NHSL1: variants seen among roughly 807,000 people sequenced by gnomAD.
The protein encoded by NHSL1 is NHS-like protein 1.
Under a neutral mutation model 95.0 loss-of-function variants are expected in NHSL1, and 48 were observed. The observed-to-expected ratio is 0.51, with a 90% CI of 0.40 to 0.64. The LOEUF (loss-of-function observed/expected upper bound fraction) is 0.64, where lower values mean the gene tolerates loss of function less well. Among genes scored for constraint, NHSL1 ranks in the 30% least tolerant of loss-of-function variants. The pLI, the probability that NHSL1 is intolerant of heterozygous loss-of-function variation, is 0.00. For missense variants in NHSL1, 1,971 were observed against 2,077.7 expected, an observed-to-expected ratio of 0.95 and a Z score of 1.00; for synonymous variants, 783 against 833.9, an observed-to-expected ratio of 0.94 and a Z score of 1.05.
intron 3 of NHSL1, among the ~76,000 whole-genome samples, chr6:138,459,019 A>ACACCC (rs1369106789): frequency 3.3e-5 from 5 of 151,992 alleles, no homozygotes; most frequent in Non-Finnish European, 7.4e-5. Flanking sequence ...TTTTTGAGAA[A>ACACCC]AGAGTCTTGC....
At chr6:138,607,620 T>C (rs1784451947) in intron 1 of NHSL1, among the ~76,000 whole-genome samples, 1 of 152,196 alleles carries the variant, frequency 6.6e-6, no homozygotes, top group African/African-American at 2.4e-5. Flanking sequence ...GAAAAACAAG[T>C]TGTGGTACAT....
chr6:138,506,521 A>G (rs9399242), intron 1 of NHSL1, among the ~76,000 whole-genome samples: 33,057 of 152,166 alleles, frequency 0.22, 4,307 homozygotes, highest in East Asian at 0.44. Context: ...CCAGATAGAT[A>G]AAAAATAATC....
intron 1 of NHSL1, among the ~76,000 whole-genome samples, chr6:138,638,079 G>T (rs1341434677): frequency 6.6e-6 from 1 of 152,122 alleles, no homozygotes; most frequent in East Asian, 1.9e-4. Flanking sequence ...GGAACTAGAG[G>T]TCATTATGTT....
At chr6:138,496,107 A>G in intron 2 of NHSL1, 112 bp downstream of exon 2, 1 of 1,156,608 alleles carries the variant, frequency 8.6e-7, no homozygotes, top group Non-Finnish European at 1.2e-6. Flanking sequence ...ATAAAGACGT[A>G]GCATACTATA....
At chr6:138,577,676 C>A (rs1290026782) in intron 1 of NHSL1, among the ~76,000 whole-genome samples, 5 of 152,164 alleles carry the variant, frequency 3.3e-5, no homozygotes, top group African/African-American at 1.2e-4. Flanking sequence ...AGACAACCCA[C>A]AGGGACCTTT....
intron 1 of NHSL1, among the ~76,000 whole-genome samples, chr6:138,688,830 C>T (rs1785621714): frequency 6.6e-6 from 1 of 152,152 alleles, no homozygotes; most frequent in African/African-American, 2.4e-5. Flanking sequence ...CTGACTTTTA[C>T]AGACAGGAGC....
chr6:138,673,714 A>G (rs1258867313), intron 1 of NHSL1, among the ~76,000 whole-genome samples: 1 of 152,248 alleles, frequency 6.6e-6, no homozygotes, highest in Admixed American at 6.5e-5. Flanking sequence ...CCACTTGGGG[A>G]AAACATTTTC....
chr6:138,581,849 C>T (rs912855232), intron 1 of NHSL1, among the ~76,000 whole-genome samples: 1 of 150,818 alleles, frequency 6.6e-6, no homozygotes, highest in South Asian at 2.1e-4. Context: ...TATCAGAATG[C>T]TCTGAATGAG....
At chr6:138,466,546 G>A (rs151208204) in intron 3 of NHSL1, among the ~76,000 whole-genome samples, 48 of 151,968 alleles carry the variant, frequency 3.2e-4, no homozygotes, top group African/African-American at 6.5e-4. Context: ...TATTTTACTC[G>A]AGCATATGCC....
intron 1 of NHSL1, among the ~76,000 whole-genome samples, chr6:138,638,099 AAGCC>A (rs915640518): frequency 2.6e-4 from 40 of 152,354 alleles, no homozygotes; most frequent in African/African-American, 9.4e-4. Context: ...TAAGTGAAAT[AAGCC>A]AGGCACAGAA....
chr6:138,591,684 A>C (rs1784229720), intron 1 of NHSL1, among the ~76,000 whole-genome samples: 1 of 152,118 alleles, frequency 6.6e-6, no homozygotes, highest in African/African-American at 2.4e-5. Flanking sequence ...TGCCTGCCTC[A>C]GCCTCCCAAC....
intron 3 of NHSL1, among the ~76,000 whole-genome samples, chr6:138,465,770 C>A (rs1239192292): frequency 6.9e-6 from 1 of 145,496 alleles, no homozygotes; most frequent in Non-Finnish European, 1.5e-5. Flanking sequence ...GTCGCCTAGG[C>A]TGGAGTGCAG....
At chr6:138,595,842 G>A (rs908137273) in intron 1 of NHSL1, among the ~76,000 whole-genome samples, 6 of 152,172 alleles carry the variant, frequency 3.9e-5, no homozygotes, top group South Asian at 2.1e-4. Context: ...GGGGTCCAGA[G>A]GTTGCCATGC....
chr6:138,431,452 G>A lies in NHSL1; in HGVS notation c.2893C>T (p.Leu965=). Residue 965 remains leucine, a synonymous_variant, in exon 6 of 8, where the codon CTG becomes TTG. Coordinates refer to ENST00000343505, the MANE Select transcript of NHSL1 (RefSeq NM_001144060.2). This position sits in a 1 kb window ranked among gnomAD's most constrained non-coding sequence, Gnocchi z 4.0. ...PVTDCSQGSP[L]PHSPVFPPPP... ...GGGGGGAACACAGGAGAGTGAGGCA[G>A]AGGAGAGCCCTGGGAGCAATCTGTG... 1.9e-6 allele frequency: 3 copies of A among 1,551,096 alleles called. No homozygotes were observed. The highest frequency in any genetic ancestry group is 3.9e-5 in the Admixed American group (2 of 50,970).
chr6:138,565,480 G>A (rs1207467749), intron 1 of NHSL1, among the ~76,000 whole-genome samples: 1 of 152,136 alleles, frequency 6.6e-6, no homozygotes, highest in East Asian at 1.9e-4. Context: ...AACAAGAGTG[G>A]AGAAAGCAAG....
At chr6:138,543,021 T>C (rs75725157) in intron 1 of NHSL1, among the ~76,000 whole-genome samples, 4,258 of 152,304 alleles carry the variant, frequency 0.028, 198 homozygotes, top group African/African-American at 0.097. Context: ...TCCGCGGCCT[T>C]CTAAAGCATT....
intron 1 of NHSL1, among the ~76,000 whole-genome samples, chr6:138,687,669 TAA>T (rs1206230973): frequency 6.6e-6 from 1 of 152,196 alleles, no homozygotes; most frequent in Non-Finnish European, 1.5e-5. Flanking sequence ...TTTTCAATCA[TAA>T]AAGTCTTAAT....
At chr6:138,602,272 G>A (rs945679145) in intron 1 of NHSL1, among the ~76,000 whole-genome samples, 1 of 152,132 alleles carries the variant, frequency 6.6e-6, no homozygotes, top group African/African-American at 2.4e-5. Context: ...TCAGCATACA[G>A]ATTTTGTATG....
chr6:138,533,034 G>A (rs1284476917), intron 1 of NHSL1, among the ~76,000 whole-genome samples: 1 of 152,130 alleles, frequency 6.6e-6, no homozygotes, highest in African/African-American at 2.4e-5. Flanking sequence ...GTACCTCTAG[G>A]TGCACTCTGA....
Sources: gnomAD v4.1 joint callset for allele counts (sites outside exome capture counted in the v4.1 genomes callset) on GRCh38, gnomAD v4.1.1 for gene constraint, Gnocchi (gnomAD v3.1) non-coding constraint, MANE v1.5 for transcripts, NCBI Gene and HGNC (gene_info 2026-07-23, HGNC 2026-07-21) for gene names.